Variants in CCDC112 observed in about 807,000 individuals in gnomAD.
The protein encoded by CCDC112 is coiled-coil domain containing 112.
In CCDC112, 40 loss-of-function variants were observed where a neutral mutation model predicts 66.3. The observed-to-expected ratio is 0.60, with a 90% CI of 0.47 to 0.79. The LOEUF is 0.79. Ranked by LOEUF, CCDC112 falls within the 30% of genes least tolerant of loss-of-function variation. The pLI is 0.00. For synonymous variants in CCDC112, 214 were observed against 197.2 expected, an observed-to-expected ratio of 1.09 and a Z score of -0.71; for missense variants, 659 against 603.8, an observed-to-expected ratio of 1.09 and a Z score of -0.96.
intron 1 of CCDC112, among the ~76,000 whole-genome samples, chr5:115,285,211 G>A (rs1353633827): frequency 6.6e-6 from 1 of 152,096 alleles, no homozygotes. Flanking sequence ...AGTGACACGG[G>A]CTACATTAGA....
At chr5:115,273,285 G>A (rs185482349) in intron 6 of CCDC112, among the ~76,000 whole-genome samples, 1 of 152,138 alleles carries the variant, frequency 6.6e-6, no homozygotes, top group Non-Finnish European at 1.5e-5. Flanking sequence ...AAGGCATTCA[G>A]GCCAGAAAGT....
chr5:115,288,596 G>C (rs1400238751), intron 1 of CCDC112, among the ~76,000 whole-genome samples: 1 of 152,164 alleles, frequency 6.6e-6, no homozygotes, highest in Non-Finnish European at 1.5e-5. Flanking sequence ...AATAACATGG[G>C]AATGGAAGTA....
At chr5:115,278,144 T>C (rs1266548411) in intron 3 of CCDC112, among the ~76,000 whole-genome samples, 5 of 152,178 alleles carry the variant, frequency 3.3e-5, no homozygotes, top group Non-Finnish European at 7.4e-5. Flanking sequence ...CTTTAGGTCA[T>C]GAAACCTCTC....
At chr5:115,278,439 A>C (rs1749301512) in intron 3 of CCDC112, among the ~76,000 whole-genome samples, 1 of 152,098 alleles carries the variant, frequency 6.6e-6, no homozygotes, top group South Asian at 2.1e-4. Flanking sequence ...AAAAACATAA[A>C]GTGTAGTAAC....
chr5:115,289,733 A>T (rs1391478692), intron 1 of CCDC112, among the ~76,000 whole-genome samples: 1 of 152,226 alleles, frequency 6.6e-6, no homozygotes, highest in Admixed American at 6.5e-5. Flanking sequence ...GTTCTTTTGC[A>T]GCGGCTTAAT....
chr5:115,279,863 G>T, intron 2 of CCDC112, 95 bp from the exon 3 acceptor site: 3 of 694,084 alleles, frequency 4.3e-6, no homozygotes, highest in Non-Finnish European at 4.6e-6. Flanking sequence ...TTTTATATTT[G>T]GATTAATTCA....
At chr5:115,286,740 T>C (rs1302371924) in intron 1 of CCDC112, among the ~76,000 whole-genome samples, 3 of 151,936 alleles carry the variant, frequency 2.0e-5, no homozygotes, top group African/African-American at 4.8e-5. Flanking sequence ...AGCAAGATCC[T>C]GTCTGTATAA....
chr5:115,269,682 A>G (rs758357812), intron 8 of CCDC112, 21 bp downstream of exon 8: 4 of 1,511,604 alleles, frequency 2.6e-6, no homozygotes, highest in Middle Eastern at 1.7e-4. Flanking sequence ...TAACAATGAA[A>G]ATAATCTCGG....
chr5:115,284,376 G>A (rs181782724), intron 2 of CCDC112, among the ~76,000 whole-genome samples: 52 of 151,998 alleles, frequency 3.4e-4, no homozygotes, highest in African/African-American at 1.1e-3. Context: ...TATGATGTTC[G>A]TCATTTATAA....
At chr5:115,281,682 TTC>T (rs1205324728) in intron 2 of CCDC112, among the ~76,000 whole-genome samples, 26 of 152,308 alleles carry the variant, frequency 1.7e-4, no homozygotes, top group Middle Eastern at 3.4e-3. Context: ...TCAACTTACT[TTC>T]TGTTTTTCCT....
chr5:115,276,778 A>G (rs889999369), intron 4 of CCDC112, among the ~76,000 whole-genome samples, 187 bp downstream of exon 4: 2 of 152,140 alleles, frequency 1.3e-5, no homozygotes, highest in African/African-American at 4.8e-5. Flanking sequence ...CTCCGGTGTA[A>G]ACTTACTAAA....
intron 2 of CCDC112, among the ~76,000 whole-genome samples, chr5:115,281,687 T>C (rs904696150): frequency 2.0e-5 from 3 of 152,160 alleles, no homozygotes; most frequent in Non-Finnish European, 1.5e-5. Context: ...TTACTTTCTG[T>C]TTTTCCTGGA....
rs1749005466 is a variant in CCDC112 at position 115,271,642 on chromosome 5, A to T, written c.919-16T>A. Reference sequence around the variant, plus strand: ...TCTGAATTGACTAAATGATTTTTTTAAAAAAAGAAAGCAAGAGAAAAAAGT... The same window carrying T: ...TCTGAATTGACTAAATGATTTTTTTTAAAAAAGAAAGCAAGAGAAAAAAGT... On this transcript the variant is annotated splice_polypyrimidine_tract_variant and intron_variant, in intron 6 of 9. Coordinates refer to ENST00000379611, the MANE Select transcript of CCDC112 (RefSeq NM_001040440.3). 6 of 1,466,960 alleles carry T rather than the reference A, an allele frequency of 4.1e-6. No homozygotes were observed. Among genetic ancestry groups the T allele is most frequent in the South Asian group, 1.5e-5 (1 of 66,430 alleles). The allele number at this position is 1,466,960 out of a possible 1,614,324, so 90.9% of individuals were successfully genotyped here. A position where few individuals can be genotyped will look rare whatever the true frequency, so the allele number is the denominator to read the frequency against.
intron 1 of CCDC112, among the ~76,000 whole-genome samples, chr5:115,294,287 T>C (rs1000351090): frequency 1.2e-4 from 18 of 152,228 alleles, no homozygotes; most frequent in African/African-American, 4.3e-4. Context: ...CAAATAACTC[T>C]ATCTGGAGAT....
At chr5:115,277,122 A>C in intron 3 of CCDC112, 68 bp from the exon 4 acceptor site, 1 of 860,958 alleles carries the variant, frequency 1.2e-6, no homozygotes, top group East Asian at 2.5e-5. Flanking sequence ...AGGAATCTAC[A>C]TGTAAGACTG....
intron 8 of CCDC112, 32 bp from the exon 9 acceptor site, chr5:115,269,032 T>C (rs373105428): frequency 6.2e-6 from 8 of 1,297,298 alleles, no homozygotes; most frequent in African/African-American, 4.5e-5. Flanking sequence ...TACCAGTTAA[T>C]TATACAAACT....
rs985217230 is a variant in CCDC112, at chr5:115,276,078, G to C, written c.452-9C>G. 6 of 1,576,498 alleles carry C rather than the reference G, an allele frequency of 3.8e-6. No homozygotes were observed. On this transcript the variant is annotated splice_polypyrimidine_tract_variant and intron_variant, in intron 4 of 9. Coordinates refer to ENST00000379611, the MANE Select transcript of CCDC112 (RefSeq NM_001040440.3). ...TCTGAGCTTCTCAACAACTGTAAAA[G>C]AAACACGGAAAATTATTTTGTGCCA...
intron 6 of CCDC112, among the ~76,000 whole-genome samples, chr5:115,273,633 T>C (rs890727049): frequency 6.6e-5 from 10 of 152,216 alleles, no homozygotes; most frequent in Non-Finnish European, 7.3e-5. Context: ...TGGTTTACTT[T>C]TATCACAAGA....
At position 115,284,772 on chromosome 5, in the gene CCDC112, T is replaced by C. The variant is rs773148545; in HGVS notation, c.239+15A>G. 8.9e-6 allele frequency: 14 copies of C among 1,577,754 alleles called. No homozygotes were observed. The South Asian group carries it at 1.5e-4, about 16-fold the overall frequency. ...GGCTAGTAATGTTATTTGAAGATTATATTCTTATACTTACTGATTTTTAAA... is the reference window on the plus strand; with the variant it reads ...GGCTAGTAATGTTATTTGAAGATTACATTCTTATACTTACTGATTTTTAAA... On this transcript the variant is annotated intron_variant, in intron 2 of 9. Transcript: ENST00000379611.
Sources: gnomAD v4.1 joint callset for allele counts (sites outside exome capture counted in the v4.1 genomes callset) on GRCh38, gnomAD v4.1.1 for gene constraint, MANE v1.5 for transcripts, NCBI Gene and HGNC (gene_info 2026-07-23, HGNC 2026-07-21) for gene names.